The following TBCCD1 variants were observed in gnomAD, a reference collection of about 807,000 sequenced individuals.
TBCCD1 encodes TBCC domain-containing protein 1.
TBCCD1 carries 26 observed loss-of-function variants against 53.4 expected under a neutral mutation model. The observed-to-expected ratio is 0.49, with a 90% CI of 0.36 to 0.68. TBCCD1 has a LOEUF of 0.68. Ranked by LOEUF, TBCCD1 falls within the 30% of genes least tolerant of loss-of-function variation. TBCCD1 has a pLI of 0.00. For synonymous variants in TBCCD1, 245 were observed against 241.7 expected (o/e 1.01, Z -0.13); for missense variants, 558 against 669.5 (o/e 0.83, Z 1.84).
intron 2 of TBCCD1, 36 bp downstream of exon 2, chr3:186,563,958 A>C: frequency 6.6e-7 from 1 of 1,508,684 alleles, no homozygotes; most frequent in Non-Finnish European, 8.8e-7. Context: ...GTTTCTTTCC[A>C]AAAGTAATTA....
intron 2 of TBCCD1, among the ~76,000 whole-genome samples, chr3:186,561,649 C>T (rs1011394100): frequency 1.3e-5 from 2 of 152,114 alleles, no homozygotes; most frequent in Non-Finnish European, 2.9e-5. Flanking sequence ...ACTAGCCGGG[C>T]ATGGTGGTGG....
rs1714861278 is a variant in TBCCD1 at position 186,567,258 on chromosome 3, CGCG to C, written c.-44+6_-44+8del. 1.3e-5 allele frequency: 2 copies of C among 152,400 alleles called. No individual in the cohort carries two copies. The highest frequency in any genetic ancestry group is 1.3e-4 in the Admixed American group (2 of 15,284). 9.4% of individuals were successfully genotyped at this position (152,400 alleles called of 1,614,324 possible). ...ACCGCCCTCCCCGGCGCACCCAGTG[CGCG>C]GTTACCTGCTAATGCAGGCGCCGCT... On this transcript the variant is annotated splice_donor_region_variant and intron_variant, in intron 1 of 7. Transcript: ENST00000338733.
At chr3:186,567,030 G>C (rs938210187) in intron 1 of TBCCD1, among the ~76,000 whole-genome samples, 2 of 152,218 alleles carry the variant, frequency 1.3e-5, no homozygotes, top group Non-Finnish European at 2.9e-5. Flanking sequence ...TCGGGAGATC[G>C]GCGTGGGTCC....
At position 186,554,536 on chromosome 3, in the gene TBCCD1, G is replaced by A. The variant is rs1714471934; in HGVS notation, c.1262C>T (p.Thr421Ile). The change falls in exon 6 of 8, where the codon ACA becomes ATA. Residue 421 changes from threonine to isoleucine, a missense_variant. Transcript: ENST00000338733. The part of the protein sequence containing the change: ...NQTVTFAPFH[T>I]HYPMLEDHMA... Reference sequence around the variant, plus strand: ...ATGGTCCTCTAGCATTGGGTAATGTGTATGAAAAGGGGCAAAAGTTACTGT... The same window carrying A: ...ATGGTCCTCTAGCATTGGGTAATGTATATGAAAAGGGGCAAAAGTTACTGT... 3.1e-6 allele frequency: 5 copies of A among 1,614,238 alleles called. No individual in the cohort carries two copies. The highest frequency in any genetic ancestry group is 4.2e-6 in the Non-Finnish European group (5 of 1,180,040).
rs751241143 is a variant in TBCCD1 at position 186,556,769 on chromosome 3, T to C, written c.499A>G (p.Asn167Asp). Residue 167 changes from asparagine (N) to aspartate (D), a missense_variant, in exon 4 of 8, where the codon AAT becomes GAT. Physicochemically the swap from Asn to Asp is conservative, Grantham distance 23. Transcript: ENST00000338733. ...ACAAAAGCTTGGTGACTGTAATCAT[T>C]CCAGTTCTAAAAAAAAGTTAAAAGA... Reference protein sequence around the residue: ...EKSNCHNKNWNDYSHQAFVYD... With the variant: ...EKSNCHNKNWDDYSHQAFVYD... 3.1e-6 allele frequency: 5 copies of C among 1,607,122 alleles called. No individual in the cohort carries two copies.
intron 7 of TBCCD1, among the ~76,000 whole-genome samples, chr3:186,550,684 T>C (rs967984113): frequency 1.3e-5 from 2 of 152,342 alleles, no homozygotes; most frequent in Admixed American, 6.5e-5. Flanking sequence ...GATCTTCTAG[T>C]GTTCAGTAAT....
chr3:186,555,217 C>A, intron 4 of TBCCD1, 133 bp from the exon 5 acceptor site: 3 of 766,504 alleles, frequency 3.9e-6, no homozygotes, highest in South Asian at 2.6e-5. Flanking sequence ...AACGTTAGAT[C>A]TGGGCTTTGG....
At chr3:186,569,108 G>C (rs115540549), upstream of TBCCD1, among the ~76,000 whole-genome samples, 1,451 of 152,082 alleles carry the variant, frequency 9.5e-3, 21 homozygotes, top group African/African-American at 0.033. Context: ...CTAGCACAAA[G>C]GCCCTCGGCA....
At chr3:186,566,143 T>C (rs971867400) in intron 1 of TBCCD1, among the ~76,000 whole-genome samples, 3 of 152,022 alleles carry the variant, frequency 2.0e-5, no homozygotes, top group African/African-American at 7.2e-5. Flanking sequence ...GTTCAAACGA[T>C]TCTCCTGCCT....
rs753732282 is a variant in TBCCD1 at position 186,554,580 on chromosome 3, A to G, written c.1218T>C (p.Leu406=). ...TTACTGTCTGGTTCCCAGAGAGAAT[A>G]AGTGGGCGTGTAGGCGTAAGAACGT... The part of the protein sequence containing the change: ...IFHVLTPTRP[L]ILSGNQTVTF... Residue 406 remains leucine, a synonymous_variant, in exon 6 of 8, where the codon CTT becomes CTC. Coordinates refer to ENST00000338733, the MANE Select transcript of TBCCD1 (RefSeq NM_018138.5). 4 of 1,614,244 alleles carry G rather than the reference A, an allele frequency of 2.5e-6. No homozygotes were observed. The highest frequency in any genetic ancestry group is 3.4e-6 in the Non-Finnish European group (4 of 1,180,046).
chr3:186,564,114 C>T lies in TBCCD1; in HGVS notation c.216G>A (p.Ala72=). Residue 72 remains alanine (A), a synonymous_variant, in exon 2 of 8, where the codon GCG becomes GCA. Coordinates refer to ENST00000338733, the MANE Select transcript of TBCCD1 (RefSeq NM_018138.5). ...TATCAAATATTTCGAAGTAAAGCCA[C>T]GCCAGGTCCTTGGCCAACTGCAGCT... ...CGKLQLAKDL[A]WLYFEIFDSL... is the part of the protein sequence containing the mutation. 7 of 1,614,202 alleles carry T rather than the reference C, an allele frequency of 4.3e-6. No homozygotes were observed. Among genetic ancestry groups the T allele is most frequent in the South Asian group, 1.1e-5 (1 of 91,088 alleles).
intron 2 of TBCCD1, among the ~76,000 whole-genome samples, chr3:186,559,707 A>G (rs1302228920): frequency 6.6e-6 from 1 of 152,224 alleles, no homozygotes; most frequent in African/African-American, 2.4e-5. Context: ...TATATTTTAT[A>G]AATTTTTACT....
upstream of TBCCD1, among the ~76,000 whole-genome samples, chr3:186,569,134 T>C (rs769730020): frequency 1.2e-4 from 18 of 151,818 alleles, no homozygotes; most frequent in Non-Finnish European, 1.8e-4. Context: ...GAGCTCGGTG[T>C]ATACAAAAAA....
chr3:186,556,329 G>T, intron 4 of TBCCD1, 80 bp downstream of exon 4: 1 of 1,491,938 alleles, frequency 6.7e-7, no homozygotes. Flanking sequence ...GAGAAGACAC[G>T]AGATCACTAA....
Position 186,554,248 on chromosome 3 carries a change from A to ACT in TBCCD1, c.1544+4_1544+5dup. On this transcript the variant is annotated splice_donor_region_variant and intron_variant, in intron 6 of 7. Transcript: ENST00000338733. ...ACACAAACTGTTACTTGTAAAAAATACTCACTTTGTCAAATGAGCCTCCTT... is the reference window on the plus strand; with the variant it reads ...ACACAAACTGTTACTTGTAAAAAATACTCTCACTTTGTCAAATGAGCCTCCTT... 1 of 1,609,580 alleles carries ACT rather than the reference A, an allele frequency of 6.2e-7. No homozygotes were observed. The highest frequency in any genetic ancestry group is 8.5e-7 in the Non-Finnish European group (1 of 1,179,024).
intron 1 of TBCCD1, among the ~76,000 whole-genome samples, chr3:186,565,921 T>G (rs536479946): frequency 1.8e-4 from 28 of 152,368 alleles, no homozygotes; most frequent in African/African-American, 6.7e-4. Context: ...TCCTCAACAT[T>G]AGCAACATCA....
chr3:186,550,606 C>T (rs933327176), intron 7 of TBCCD1, among the ~76,000 whole-genome samples: 4 of 151,972 alleles, frequency 2.6e-5, no homozygotes, highest in Non-Finnish European at 5.9e-5. Flanking sequence ...AAAAGAATAC[C>T]ATATGTCTGG....
intron 2 of TBCCD1, among the ~76,000 whole-genome samples, chr3:186,561,890 T>A (rs193137971): frequency 6.6e-6 from 1 of 152,230 alleles, no homozygotes; most frequent in African/African-American, 2.4e-5. Flanking sequence ...TCCAAAGGAA[T>A]TGAAATCAGG....
At chr3:186,556,287 T>C in intron 4 of TBCCD1, 122 bp downstream of exon 4, 2 of 1,136,206 alleles carry the variant, frequency 1.8e-6, no homozygotes, top group Non-Finnish European at 2.4e-6. Flanking sequence ...CCTTTTTCTC[T>C]TTTATAGGAG....
Sources: gnomAD v4.1 joint callset for allele counts (sites outside exome capture counted in the v4.1 genomes callset) on GRCh38, gnomAD v4.1.1 for gene constraint, MANE v1.5 for transcripts, NCBI Gene and HGNC (gene_info 2026-07-23, HGNC 2026-07-21) for gene names.